The following BRINP3 variants were observed in gnomAD, a reference collection of about 807,000 sequenced individuals.
BRINP3 encodes the protein BMP/retinoic acid-inducible neural-specific protein 3.
A neutral mutation model predicts 71.0 loss-of-function variants in BRINP3; 19 were observed. The observed-to-expected ratio is 0.27, with a 90% confidence interval of 0.19 to 0.39. BRINP3 has a LOEUF of 0.39. Among genes scored for constraint, BRINP3 ranks in the 10% least tolerant of loss-of-function variants. The pLI, the probability that BRINP3 is intolerant of heterozygous loss-of-function variation, is 1.00. For synonymous variants in BRINP3, 380 were observed against 337.7 expected (o/e 1.13, Z -1.37); for missense variants, 959 against 940.8 (o/e 1.02, Z -0.25).
intron 6 of BRINP3, among the ~76,000 whole-genome samples, chr1:190,177,423 C>A (rs1652642416): frequency 6.7e-6 from 1 of 150,192 alleles, no homozygotes; most frequent in Non-Finnish European, 1.5e-5. Flanking sequence ...TGTGATCCAC[C>A]CGCCTCGGCC....
intron 7 of BRINP3, among the ~76,000 whole-genome samples, chr1:190,142,933 C>T (rs933969368): frequency 5.3e-5 from 8 of 151,772 alleles, no homozygotes; most frequent in African/African-American, 1.5e-4. Context: ...CCTGAAAGGC[C>T]GTAAGTAGTT....
chr1:190,336,506 C>T (rs1011898534), intron 2 of BRINP3, among the ~76,000 whole-genome samples: 2 of 151,864 alleles, frequency 1.3e-5, no homozygotes, highest in Non-Finnish European at 2.9e-5. Context: ...TATGAAAATG[C>T]CTATTCTTCC....
chr1:190,433,591 A>T (rs1674251135), intron 2 of BRINP3, among the ~76,000 whole-genome samples: 1 of 151,862 alleles, frequency 6.6e-6, no homozygotes. Context: ...TTTTAGACCC[A>T]TTTCTATTCC....
At chr1:190,389,975 C>T (rs1316607811) in intron 2 of BRINP3, among the ~76,000 whole-genome samples, 1 of 151,744 alleles carries the variant, frequency 6.6e-6, no homozygotes, top group Non-Finnish European at 1.5e-5. Flanking sequence ...TCTCTTGTTA[C>T]AGTGGTTAAT....
At chr1:190,380,008 A>AG (rs986361827) in intron 2 of BRINP3, among the ~76,000 whole-genome samples, 2 of 124,560 alleles carry the variant, frequency 1.6e-5, no homozygotes, top group African/African-American at 5.5e-5. Flanking sequence ...AAAAAAAAAA[A>AG]AAAAGAAAAA....
In BRINP3 at chr1:190,098,781, A is replaced by G. The variant is rs1443544176; in HGVS notation, c.1538T>C (p.Ile513Thr). The G allele has an allele frequency of 6.2e-7, 1 of 1,614,210 alleles. No individual in the cohort carries two copies. The highest frequency in any genetic ancestry group is 8.5e-7 in the Non-Finnish European group (1 of 1,180,036). The stretch of plus-strand genomic sequence containing the variant: ...GAGGCGCATGTCATTGCTGATAAAA[A>G]TGGCATGGACTTCTATTCGTCTGTC... ...KTDRRIEVHA[I>T]FISNDMRLNS... is the part of the protein sequence containing the mutation. Residue 513 changes from isoleucine to threonine, a missense_variant, in exon 8 of 8, where the codon ATT (isoleucine) becomes ACT (threonine). Coordinates refer to ENST00000367462, the MANE Select transcript of BRINP3 (RefSeq NM_199051.3).
At chr1:190,228,520 T>C (rs1657622054) in intron 5 of BRINP3, among the ~76,000 whole-genome samples, 1 of 151,904 alleles carries the variant, frequency 6.6e-6, no homozygotes, top group African/African-American at 2.4e-5. Context: ...GGAGGAATGA[T>C]TGGTGGCAAG....
chr1:190,446,444 G>A (rs888022563), intron 2 of BRINP3, among the ~76,000 whole-genome samples: 1 of 151,846 alleles, frequency 6.6e-6, no homozygotes, highest in African/African-American at 2.4e-5. Context: ...ACAAGAAATA[G>A]GAAAAAATTA....
At chr1:190,124,017 T>C (rs1653889870) in intron 7 of BRINP3, among the ~76,000 whole-genome samples, 1 of 152,166 alleles carries the variant, frequency 6.6e-6, no homozygotes, top group Non-Finnish European at 1.5e-5. Context: ...AATATCTCTA[T>C]ACTTATATAT....
In BRINP3 at chr1:190,427,296, A is replaced by G. The variant is rs902277162; in HGVS notation, c.236+27359T>C. On this transcript the variant is annotated intron_variant, in intron 2 of 7. Transcript: ENST00000367462. ...CATCTTATTTAAATAAATTCTTGTG[A>G]ATTTTAAACTCTTTTAAAATACTCT... is the stretch of plus-strand genomic sequence containing the variant. Among the ~76,000 whole-genome samples the G allele has an allele frequency of 5.3e-5, 8 of 151,934 alleles. No individual in the cohort carries two copies. The South Asian group carries it at 6.2e-4, about 12-fold the overall frequency.
At chr1:190,222,322 C>T (rs545904182) in intron 6 of BRINP3, among the ~76,000 whole-genome samples, 14 of 150,832 alleles carry the variant, frequency 9.3e-5, no homozygotes, top group African/African-American at 2.7e-4. Flanking sequence ...GCTAATGAGT[C>T]AATTAAAAAA....
chr1:190,401,465 A>G (rs1438828023), intron 2 of BRINP3, among the ~76,000 whole-genome samples: 1 of 151,600 alleles, frequency 6.6e-6, no homozygotes, highest in Admixed American at 6.6e-5. Flanking sequence ...CAAACTTCAG[A>G]CTGTTTAATA....
intron 6 of BRINP3, among the ~76,000 whole-genome samples, chr1:190,213,677 A>G (rs1488958132): frequency 2.0e-5 from 3 of 152,006 alleles, no homozygotes; most frequent in South Asian, 4.1e-4. Context: ...ATAATGTCCA[A>G]TAAAAGTTGT....
intron 7 of BRINP3, among the ~76,000 whole-genome samples, chr1:190,138,228 A>T (rs1655138567): frequency 6.6e-6 from 1 of 152,138 alleles, no homozygotes; most frequent in Non-Finnish European, 1.5e-5. Context: ...TGCTGAGATT[A>T]CAGGTGTGAG....
chr1:190,304,506 G>A (rs1446900887), intron 2 of BRINP3, among the ~76,000 whole-genome samples: 2 of 151,674 alleles, frequency 1.3e-5, no homozygotes, highest in Non-Finnish European at 3.0e-5. Context: ...TTTAACAAAG[G>A]TGCTAAGAAC....
At chr1:190,249,685 C>A (rs751886815) in intron 4 of BRINP3, among the ~76,000 whole-genome samples, 1 of 151,614 alleles carries the variant, frequency 6.6e-6, no homozygotes, top group African/African-American at 2.4e-5. Context: ...AATGTGAACG[C>A]GTTTGAGAAT....
intron 2 of BRINP3, among the ~76,000 whole-genome samples, chr1:190,375,967 A>G (rs1303383580): frequency 2.0e-5 from 3 of 152,028 alleles, no homozygotes; most frequent in Non-Finnish European, 4.4e-5. Context: ...TTAAAAAATC[A>G]TCAGGCATAT....
chr1:190,439,178 GTAACTTA>G (rs1275460225), intron 2 of BRINP3, among the ~76,000 whole-genome samples: 1 of 151,748 alleles, frequency 6.6e-6, no homozygotes, highest in Non-Finnish European at 1.5e-5. Context: ...AAAAATAAAT[GTAACTTA>G]CCCTGCACTC....
chr1:190,204,541 GA>G (rs1055458548), intron 6 of BRINP3, among the ~76,000 whole-genome samples: 1 of 150,214 alleles, frequency 6.7e-6, no homozygotes, highest in African/African-American at 2.4e-5. Flanking sequence ...TAGCAATTAA[GA>G]AAAAAAAAGT....
Sources: allele counts gnomAD v4.1 joint callset (sites outside exome capture counted in the v4.1 genomes callset), GRCh38; gene constraint gnomAD v4.1.1; transcripts MANE v1.5; gene names NCBI Gene and HGNC (gene_info 2026-07-23, HGNC 2026-07-21).